CTNNA2: variants seen among roughly 807,000 people sequenced by gnomAD.
CTNNA2 encodes catenin alpha-2.
CTNNA2 carries 42 observed loss-of-function variants against 101.0 expected under a neutral mutation model. The ratio of observed to expected loss-of-function variants is 0.42; its 90% CI spans 0.32 to 0.54. The LOEUF is 0.54. CTNNA2 is among the 20% of genes least tolerant of loss of function. The pLI is 0.14. For missense variants in CTNNA2, 871 were observed against 1,223.1 expected (o/e 0.71, Z 4.29); for synonymous variants, 450 against 456.4 (o/e 0.99, Z 0.18).
At chr2:80,162,406 G>T (rs1704380401) in intron 7 of CTNNA2, 2 of 1,498,014 alleles carry the variant, frequency 1.3e-6, no homozygotes, top group East Asian at 4.5e-5. Flanking sequence ...TAGTCAAAGG[G>T]CCTAAAATGA....
At chr2:79,258,847 A>C (rs1461187520) in intron 2 of CTNNA2, among the ~76,000 whole-genome samples, 1 of 38,832 alleles carries the variant, frequency 2.6e-5, no homozygotes, top group East Asian at 6.1e-4. Context: ...TCCTCTACCA[A>C]AAAAAAAAAA....
intron 7 of CTNNA2, among the ~76,000 whole-genome samples, chr2:80,238,440 A>G (rs1336228161): frequency 1.3e-5 from 2 of 152,176 alleles, no homozygotes; most frequent in Non-Finnish European, 2.9e-5. Context: ...TCTTGACAAG[A>G]GTTTGTTACA....
At chr2:79,533,746 A>G (rs776581018) in intron 1 of CTNNA2, among the ~76,000 whole-genome samples, 1 of 152,120 alleles carries the variant, frequency 6.6e-6, no homozygotes, top group Non-Finnish European at 1.5e-5. Flanking sequence ...TTGGGAAACG[A>G]CTTGCTTTTT....
chr2:80,167,204 A>G (rs1704757014), intron 7 of CTNNA2, among the ~76,000 whole-genome samples: 1 of 152,148 alleles, frequency 6.6e-6, no homozygotes, highest in South Asian at 2.1e-4. Context: ...CAAGAAGTCT[A>G]TCTCACACAT....
At chr2:79,952,467 A>G (rs961827865) in intron 7 of CTNNA2, among the ~76,000 whole-genome samples, 15 of 152,220 alleles carry the variant, frequency 9.9e-5, no homozygotes, top group African/African-American at 3.6e-4. Context: ...GACTATTTAA[A>G]AACCACTGAA....
Position 80,622,807 on chromosome 2 carries a change from A to G in CTNNA2, c.2574+3579A>G, listed in dbSNP as rs145104810. Among the ~76,000 whole-genome samples, 232 of 151,878 alleles carry G rather than the reference A, an allele frequency of 1.5e-3. 3 individuals carry two copies. Among genetic ancestry groups the G allele is most frequent in the African/African-American group, 5.4e-3 (224 of 41,488 alleles). On this transcript the variant is annotated intron_variant, in intron 18 of 18. Transcript: ENST00000402739. ...CATTCTAAAAGACTGGAATTCCACG[A>G]TTAGAACTGCTTTGTTACCTAGCCC... is the stretch of plus-strand genomic sequence containing the variant.
intron 9 of CTNNA2, among the ~76,000 whole-genome samples, chr2:80,481,762 G>A (rs7581271): frequency 0.024 from 3,708 of 151,986 alleles, 157 homozygotes; most frequent in African/African-American, 0.082. Context: ...TATGGATCAC[G>A]GATTATAATT....
intron 2 of CTNNA2, among the ~76,000 whole-genome samples, chr2:79,697,058 T>C (rs1309587769): frequency 6.6e-6 from 1 of 151,990 alleles, no homozygotes; most frequent in African/African-American, 2.4e-5. Flanking sequence ...CAAAGATAAC[T>C]GGTTTTCTCA....
intron 1 of CTNNA2, among the ~76,000 whole-genome samples, chr2:79,625,950 A>G (rs972061105): frequency 6.6e-6 from 1 of 152,048 alleles, no homozygotes; most frequent in Non-Finnish European, 1.5e-5. Context: ...GGGTTTGGAG[A>G]TTTCTGGGCT....
intron 6 of CTNNA2, among the ~76,000 whole-genome samples, chr2:79,908,413 G>T (rs1685564946): frequency 6.6e-6 from 1 of 152,066 alleles, no homozygotes; most frequent in Non-Finnish European, 1.5e-5. Flanking sequence ...CCCCATCATT[G>T]CCACTCTGGT....
chr2:80,475,547 T>C (rs912186325), intron 9 of CTNNA2, among the ~76,000 whole-genome samples: 1 of 152,182 alleles, frequency 6.6e-6, no homozygotes. Flanking sequence ...TGTGTGGGCA[T>C]CAGGAAATCT....
chr2:79,259,701 G>A (rs1337435235), intron 2 of CTNNA2, among the ~76,000 whole-genome samples: 1 of 152,184 alleles, frequency 6.6e-6, no homozygotes, highest in African/African-American at 2.4e-5. Flanking sequence ...CCTACCTGCA[G>A]CTCTTCCCAC....
At chr2:79,232,073 G>C (rs1674500140) in intron 2 of CTNNA2, among the ~76,000 whole-genome samples, 1 of 152,022 alleles carries the variant, frequency 6.6e-6, no homozygotes, top group Admixed American at 6.6e-5. Flanking sequence ...TGATTGCCCT[G>C]GGTAGGCCTT....
chr2:79,271,177 T>C (rs529288268), intron 2 of CTNNA2, among the ~76,000 whole-genome samples: 10 of 152,230 alleles, frequency 6.6e-5, no homozygotes, highest in African/African-American at 2.2e-4. Flanking sequence ...GCGATTCTTC[T>C]AGTAAGTAAT....
chr2:80,306,613 T>G (rs1274304152), intron 7 of CTNNA2, among the ~76,000 whole-genome samples: 1 of 151,764 alleles, frequency 6.6e-6, no homozygotes, highest in Non-Finnish European at 1.5e-5. Context: ...AAATTCACCA[T>G]CAAGTGGTTT....
chr2:79,624,998 A>C (rs1021229745), intron 1 of CTNNA2, among the ~76,000 whole-genome samples: 25 of 152,184 alleles, frequency 1.6e-4, no homozygotes, highest in African/African-American at 6.0e-4. Flanking sequence ...GCATAGTAGG[A>C]GTCTCCATTT....
Position 79,377,744 on chromosome 2 carries a change from T to C in CTNNA2, c.-135+3731T>C, listed in dbSNP as rs74930708. 0.013 allele frequency among the ~76,000 whole-genome samples: 2,001 copies of C among 152,276 alleles called. 127 individuals carry two copies. The East Asian group carries it at 0.19, about 14-fold the overall frequency. ...GTGCATACTCATTGCATGCATAGCA[T>C]CTAGCCAGGCTTTTCTCTATTGTCT... On this transcript the variant is annotated intron_variant, in intron 4 of 21. Transcript: ENST00000466387.
chr2:80,200,910 T>C (rs1707164780), intron 7 of CTNNA2, among the ~76,000 whole-genome samples: 1 of 151,852 alleles, frequency 6.6e-6, no homozygotes, highest in Non-Finnish European at 1.5e-5. Context: ...TGGGATGGGA[T>C]CCATGATACC....
chr2:80,578,811 T>A (rs1019229797), intron 13 of CTNNA2: 3 of 152,186 alleles, frequency 2.0e-5, no homozygotes, highest in Non-Finnish European at 2.9e-5. Context: ...TACATTTATT[T>A]CATTAGGTTT....
Sources: gnomAD v4.1 joint callset for allele counts (sites outside exome capture counted in the v4.1 genomes callset) on GRCh38, gnomAD v4.1.1 for gene constraint, MANE v1.5 for transcripts, NCBI Gene and HGNC (gene_info 2026-07-23, HGNC 2026-07-21) for gene names.